SCN3A: variants seen among roughly 807,000 people sequenced by gnomAD.
SCN3A encodes the protein sodium voltage-gated channel alpha subunit 3, also known as sodium channel protein type 3 subunit alpha.
A neutral mutation model predicts 187.6 loss-of-function variants in SCN3A; 60 were observed. The observed-to-expected ratio is 0.32, with a 90% CI of 0.26 to 0.40. The LOEUF (loss-of-function observed/expected upper bound fraction) is 0.40. SCN3A is among the 10% of genes least tolerant of loss of function. The probability of loss-of-function intolerance (pLI) is 1.00; values close to 1 mark genes in which losing one functional copy is unlikely to be tolerated. For missense variants in SCN3A, 1,601 were observed against 2,428.2 expected, an observed-to-expected ratio of 0.66 and a Z score of 7.16; for synonymous variants, 788 against 829.2, an observed-to-expected ratio of 0.95 and a Z score of 0.85.
intron 17 of SCN3A, 76 bp from the exon 18 acceptor site, chr2:165,128,177 T>C (rs1687110506): frequency 2.6e-6 from 3 of 1,132,370 alleles, no homozygotes; most frequent in Middle Eastern, 2.8e-4. Flanking sequence ...AGGGAACTCA[T>C]AGATCTTTGC....
rs199781617 is a variant in SCN3A, at chr2:165,131,426, T to C, written c.2392-9A>G. ...AAAATCCCAGTAAAGACCTAAAAAA[T>C]AGAGATCAGCACTACTTCAAGAGCA... On this transcript the variant is annotated splice_polypyrimidine_tract_variant and intron_variant, in intron 15 of 27. Coordinates refer to ENST00000283254, the MANE Select transcript of SCN3A (RefSeq NM_006922.4). 1.5e-4 allele frequency: 236 copies of C among 1,601,010 alleles called. No individual in the cohort carries two copies. The South Asian group carries it at 1.7e-3, about 11-fold the overall frequency.
intron 1 of SCN3A, among the ~76,000 whole-genome samples, chr2:165,194,689 A>G (rs780626291): frequency 1.3e-5 from 2 of 152,014 alleles, no homozygotes; most frequent in Non-Finnish European, 2.9e-5. Flanking sequence ...ATGGTAATAT[A>G]AAAAATCTCC....
intron 1 of SCN3A, among the ~76,000 whole-genome samples, chr2:165,202,766 G>C (rs1273306476): frequency 6.6e-6 from 1 of 152,044 alleles, no homozygotes; most frequent in Non-Finnish European, 1.5e-5. Flanking sequence ...TATTTGGAGT[G>C]AATGTGATGA....
intron 2 of SCN3A, among the ~76,000 whole-genome samples, chr2:165,185,578 G>C (rs1034943791): frequency 6.6e-6 from 1 of 152,270 alleles, no homozygotes; most frequent in African/African-American, 2.4e-5. Flanking sequence ...GCCAATCTGA[G>C]AGCAAAGCTG....
chr2:165,175,698 T>C (rs1690407765), intron 3 of SCN3A, among the ~76,000 whole-genome samples: 1 of 152,138 alleles, frequency 6.6e-6, no homozygotes, highest in East Asian at 1.9e-4. Flanking sequence ...GATTATTTAT[T>C]GTCCTCTAGA....
intron 1 of SCN3A, among the ~76,000 whole-genome samples, chr2:165,196,520 C>T (rs1186288321): frequency 6.6e-6 from 1 of 152,088 alleles, no homozygotes; most frequent in Non-Finnish European, 1.5e-5. Flanking sequence ...TCTGAAGGAC[C>T]TGTAGAGGAT....
At chr2:165,098,520 G>T (rs533350542) in intron 22 of SCN3A, among the ~76,000 whole-genome samples, 4 of 152,250 alleles carry the variant, frequency 2.6e-5, no homozygotes, top group East Asian at 3.9e-4. Flanking sequence ...GCCAGGGAGA[G>T]AATGCATTCA....
At chr2:165,146,382 A>ATGTGTGTG (rs5836018) in intron 12 of SCN3A, among the ~76,000 whole-genome samples, 5 of 107,850 alleles carry the variant, frequency 4.6e-5, no homozygotes, top group Admixed American at 9.8e-5. Context: ...ATATATATAT[A>ATGTGTGTG]TGTGTGTGTG....
chr2:165,111,331 G>A (rs577713385), intron 21 of SCN3A, among the ~76,000 whole-genome samples: 6 of 151,964 alleles, frequency 3.9e-5, no homozygotes, highest in African/African-American at 7.3e-5. Flanking sequence ...GCGAAACTCC[G>A]TCTCAAAAAT....
intron 11 of SCN3A, among the ~76,000 whole-genome samples, chr2:165,149,202 G>T (rs1425709247): frequency 2.0e-5 from 3 of 148,424 alleles, no homozygotes; most frequent in Admixed American, 2.0e-4. Flanking sequence ...TTTAGATGGG[G>T]TCTCACTCTG....
chr2:165,129,650 T>C (rs941720480), intron 17 of SCN3A, among the ~76,000 whole-genome samples: 1 of 152,202 alleles, frequency 6.6e-6, no homozygotes, highest in Non-Finnish European at 1.5e-5. Flanking sequence ...TTACTTTCTT[T>C]GAAGAAGAAA....
chr2:165,149,179 CTT>C lies in SCN3A; in HGVS notation c.1381-2152_1381-2151del, dbSNP rs11293055. On this transcript the variant is annotated intron_variant, in intron 11 of 27. Coordinates refer to ENST00000283254, the MANE Select transcript of SCN3A (RefSeq NM_006922.4). ...TATGTCCATTTAAATCACTTCCAAA[CTT>C]TTTTTTTTTTTTTAGATGGGGTCTC... is the stretch of plus-strand genomic sequence containing the variant. 4.2e-3 allele frequency among the ~76,000 whole-genome samples: 605 copies of C among 144,650 alleles called. 1 individual carries two copies. The highest frequency in any genetic ancestry group is 4.2e-3 in the Non-Finnish European group (277 of 66,002). The allele number at this position is 144,650 out of a possible 152,430, so 94.9% of individuals were successfully genotyped here.
At chr2:165,125,213 C>T (rs757567917) in intron 18 of SCN3A, among the ~76,000 whole-genome samples, 15 of 152,108 alleles carry the variant, frequency 9.9e-5, no homozygotes, top group Non-Finnish European at 2.2e-4. Context: ...TTGACCCAAA[C>T]TTTGAGGTCT....
At chr2:165,180,568 G>A (rs2105936563) in intron 2 of SCN3A, among the ~76,000 whole-genome samples, 1 of 152,130 alleles carries the variant, frequency 6.6e-6, no homozygotes, top group South Asian at 2.1e-4. Flanking sequence ...GAGACACATT[G>A]AGCAGGTGGG....
intron 5 of SCN3A, among the ~76,000 whole-genome samples, chr2:165,168,454 T>C (rs1157293092): frequency 6.6e-6 from 1 of 152,016 alleles, no homozygotes; most frequent in Non-Finnish European, 1.5e-5. Flanking sequence ...TGATTAACCA[T>C]GATTGAGACC....
At position 165,162,695 on chromosome 2, in the gene SCN3A, T is replaced by C. The variant is rs770928718; in HGVS notation, c.828A>G (p.Lys276=). 1.2e-6 allele frequency: 2 copies of C among 1,614,144 alleles called. No homozygotes were observed. The highest frequency in any genetic ancestry group is 1.7e-6 in the Non-Finnish European group (2 of 1,180,012). Residue 276 remains lysine (K), a synonymous_variant, in exon 8 of 28, where the codon AAA becomes AAG. Coordinates refer to ENST00000283254, the MANE Select transcript of SCN3A (RefSeq NM_006922.4). ...LQLFMGNLRN[K]CLQWPPSDSA... ...AATCGCTTGGGGGCCACTGCAAACA[T>C]TTATTCCTCAGATTGCCCATGAACA...
rs776798468 is a variant in SCN3A, at chr2:165,090,352, C to T, written c.5801G>A (p.Gly1934Glu). Residue 1934 changes from glycine (G) to glutamate (E), a missense_variant, in exon 28 of 28, where the codon GGG becomes GAG. Physicochemically the swap from Gly to Glu is moderately conservative, Grantham distance 98. Around this residue, in one of 11 missense-constraint regions of SCN3A, gnomAD observed 87 missense variants for 89.2 expected, o/e 0.98. Coordinates refer to ENST00000283254, the MANE Select transcript of SCN3A (RefSeq NM_006922.4). This position sits in a 1 kb window ranked among gnomAD's most constrained non-coding sequence, Gnocchi z 4.0. ...TTGTTTTATAGGTAAGTCAATCCTC[C>T]CTTTAATTGCCTCTTTGTTATAGTT... Reference protein sequence around the residue: ...SSNYNKEAIKGRIDLPIKQDM... With the variant: ...SSNYNKEAIKERIDLPIKQDM... 2 of 1,612,866 alleles carry T rather than the reference C, an allele frequency of 1.2e-6. No individual in the cohort carries two copies. Among genetic ancestry groups the T allele is most frequent in the East Asian group, 4.5e-5 (2 of 44,852 alleles).
chr2:165,135,804 T>C (rs1169345399), intron 15 of SCN3A, among the ~76,000 whole-genome samples: 1 of 152,144 alleles, frequency 6.6e-6, no homozygotes, highest in East Asian at 1.9e-4. Context: ...TCAGTTTACA[T>C]ATTCTCCTAT....
chr2:165,112,783 A>T, intron 21 of SCN3A, 102 bp downstream of exon 21: 1 of 1,035,254 alleles, frequency 9.7e-7, no homozygotes, highest in South Asian at 1.3e-5. Context: ...ATAACTGCAT[A>T]ATTATGTCAT....
Sources: gnomAD v4.1 joint callset for allele counts (sites outside exome capture counted in the v4.1 genomes callset) on GRCh38, gnomAD v4.1.1 for gene constraint, gnomAD v4.1.1 regional missense constraint, Gnocchi (gnomAD v3.1) non-coding constraint, MANE v1.5 for transcripts, NCBI Gene and HGNC (gene_info 2026-07-23, HGNC 2026-07-21) for gene names.